Variants in MAPK6 observed in about 807,000 individuals in gnomAD.
MAPK6 encodes ERK-3.
Under a neutral mutation model 59.3 loss-of-function variants are expected in MAPK6, and 19 were observed. The ratio of observed to expected loss-of-function variants is 0.32; its 90% confidence interval spans 0.22 to 0.47. The LOEUF (loss-of-function observed/expected upper bound fraction) is 0.47, where lower values mean the gene tolerates loss of function less well. Among genes scored for constraint, MAPK6 ranks in the 20% least tolerant of loss-of-function variants. The pLI, the probability that MAPK6 is intolerant of heterozygous loss-of-function variation, is 1.00. For missense variants in MAPK6, 724 were observed against 847.9 expected, an observed-to-expected ratio of 0.85 and a Z score of 1.81; for synonymous variants, 316 against 290.3, an observed-to-expected ratio of 1.09 and a Z score of -0.90.
At chr15:52,024,198 C>T (rs1357450748) in intron 1 of MAPK6, among the ~76,000 whole-genome samples, 1 of 152,072 alleles carries the variant, frequency 6.6e-6, no homozygotes, top group Non-Finnish European at 1.5e-5. Flanking sequence ...GGGTCATGGG[C>T]ATTATCTTGC....
intron 2 of MAPK6, among the ~76,000 whole-genome samples, chr15:51,994,875 A>G (rs2057220198): frequency 6.6e-6 from 1 of 152,258 alleles, no homozygotes; most frequent in African/African-American, 2.4e-5. Flanking sequence ...AAAAGTATCA[A>G]AGTCATAGAA....
At chr15:51,981,459 G>C (rs1008214159) in intron 1 of MAPK6, among the ~76,000 whole-genome samples, 5 of 143,932 alleles carry the variant, frequency 3.5e-5, no homozygotes, top group African/African-American at 1.3e-4. Flanking sequence ...GTGACAGAGC[G>C]AGACTCCGTC....
chr15:52,030,690 A>G (rs922981029), intron 1 of MAPK6, among the ~76,000 whole-genome samples: 4 of 138,532 alleles, frequency 2.9e-5, no homozygotes, highest in Non-Finnish European at 6.0e-5. Context: ...ACAGCGGTGC[A>G]ATCTTGGCTC....
chr15:52,031,189 T>G (rs1459943950), intron 1 of MAPK6, among the ~76,000 whole-genome samples: 1 of 152,086 alleles, frequency 6.6e-6, no homozygotes. Context: ...CACCTTGTCC[T>G]CCCAATGTGC....
At chr15:52,008,888 G>A (rs764971913) in intron 3 of MAPK6, among the ~76,000 whole-genome samples, 1 of 152,186 alleles carries the variant, frequency 6.6e-6, no homozygotes, top group Non-Finnish European at 1.5e-5. Flanking sequence ...TCCAGAGGTG[G>A]TTATCAGTTT....
chr15:51,989,719 T>G (rs948708982), intron 2 of MAPK6, among the ~76,000 whole-genome samples: 2 of 151,878 alleles, frequency 1.3e-5, no homozygotes, highest in Non-Finnish European at 2.9e-5. Flanking sequence ...CCTGCCTCAG[T>G]CTCCCAACTA....
intron 4 of MAPK6, 48 bp from the exon 5 acceptor site, chr15:52,061,251 A>AAAGGT: frequency 7.2e-7 from 1 of 1,390,208 alleles, no homozygotes. Flanking sequence ...CTGTTTTTCT[A>AAAGGT]AAGGTAAGCA....
chr15:52,063,021 C>A (rs921485133), intron 5 of MAPK6, among the ~76,000 whole-genome samples: 2 of 152,182 alleles, frequency 1.3e-5, no homozygotes, highest in African/African-American at 2.4e-5. Context: ...TTACACAAAT[C>A]TGCAAACTAC....
intron 3 of MAPK6, among the ~76,000 whole-genome samples, chr15:52,009,535 T>A (rs1294280563): frequency 6.6e-6 from 1 of 152,236 alleles, no homozygotes; most frequent in Non-Finnish European, 1.5e-5. Context: ...CTAGTTTAAT[T>A]CTACCATTTC....
chr15:51,972,925 C>G (rs893527936), intron 1 of MAPK6, among the ~76,000 whole-genome samples: 1 of 151,814 alleles, frequency 6.6e-6, no homozygotes, highest in African/African-American at 2.4e-5. Context: ...TGGAGGATCA[C>G]TTGAGCCCAG....
At chr15:51,995,528 A>T (rs1194253702) in intron 2 of MAPK6, among the ~76,000 whole-genome samples, 1 of 152,188 alleles carries the variant, frequency 6.6e-6, no homozygotes, top group Non-Finnish European at 1.5e-5. Context: ...CTCCTGCAAG[A>T]TTTATGATAG....
intron 3 of MAPK6, among the ~76,000 whole-genome samples, chr15:52,053,705 T>G (rs996136109): frequency 1.1e-4 from 16 of 152,176 alleles, no homozygotes; most frequent in Middle Eastern, 3.4e-3. Flanking sequence ...AGTGGCATGA[T>G]CTCGGCTCAC....
chr15:52,034,667 A>AT (rs2031176971), intron 1 of MAPK6, among the ~76,000 whole-genome samples: 2 of 151,092 alleles, frequency 1.3e-5, no homozygotes, highest in Non-Finnish European at 2.9e-5. Flanking sequence ...GTTTTCAACA[A>AT]TTTCACTCTG....
chr15:52,023,124 A>AAC (rs1555397229), intron 1 of MAPK6, among the ~76,000 whole-genome samples: 1 of 151,322 alleles, frequency 6.6e-6, no homozygotes, highest in Admixed American at 6.6e-5. Flanking sequence ...AAAAAAAAAA[A>AAC]AAAACCGAAA....
chr15:52,014,183 G>T (rs1166091738), intron 3 of MAPK6, among the ~76,000 whole-genome samples: 1 of 151,362 alleles, frequency 6.6e-6, no homozygotes. Context: ...TCCAACAACC[G>T]CAAATAATTT....
chr15:52,041,666 TAGAG>T lies in MAPK6; in HGVS notation c.-631-4160_-631-4157del, dbSNP rs552364498. On this transcript the variant is annotated intron_variant, in intron 1 of 5. Coordinates refer to ENST00000261845, the MANE Select transcript of MAPK6 (RefSeq NM_002748.4). ...GATTGATGTGAAAGTTGGAGGTAGTTAGAGAGATCAGAATTTGGAATATACCTGC... is the reference window on the plus strand; with the variant it reads ...GATTGATGTGAAAGTTGGAGGTAGTTAGATCAGAATTTGGAATATACCTGC... Among the ~76,000 whole-genome samples, 590 of 152,286 alleles carry T rather than the reference TAGAG, an allele frequency of 3.9e-3. 1 individual carries two copies. The highest frequency in any genetic ancestry group is 7.1e-3 in the Non-Finnish European group (484 of 68,004).
At chr15:52,063,873 A>T (rs779407766) in intron 5 of MAPK6, 29 bp from the exon 6 acceptor site, 2 of 1,521,286 alleles carry the variant, frequency 1.3e-6, no homozygotes. Context: ...ATATACGTAG[A>T]ATAACGCTAG....
At chr15:52,048,533 A>T (rs1422636635) in intron 2 of MAPK6, among the ~76,000 whole-genome samples, 1 of 152,106 alleles carries the variant, frequency 6.6e-6, no homozygotes, top group East Asian at 1.9e-4. Flanking sequence ...AGGAGAATCC[A>T]GGAGGTGGAG....
At chr15:51,977,564 CTCCCTCTG>C (rs1027172285) in intron 1 of MAPK6, among the ~76,000 whole-genome samples, 6 of 151,856 alleles carry the variant, frequency 4.0e-5, no homozygotes, top group Admixed American at 1.3e-4. Context: ...GAGACAAAGT[CTCCCTCTG>C]TCACCCAGGC....
Sources: gnomAD v4.1 joint callset for allele counts (sites outside exome capture counted in the v4.1 genomes callset) on GRCh38, gnomAD v4.1.1 for gene constraint, MANE v1.5 for transcripts, NCBI Gene and HGNC (gene_info 2026-07-23, HGNC 2026-07-21) for gene names.